NRF1: variants seen among roughly 807,000 people sequenced by gnomAD.
NRF1 encodes the protein alpha palindromic-binding protein.
A neutral mutation model predicts 58.5 loss-of-function variants in NRF1; 5 were observed. The ratio of observed to expected loss-of-function variants is 0.09; its 90% confidence interval spans 0.04 to 0.18. The LOEUF is 0.18. NRF1 is among the 10% of genes least tolerant of loss of function. NRF1 has a pLI of 1.00. For synonymous variants in NRF1, 224 were observed against 246.7 expected (o/e 0.91, Z 0.86); for missense variants, 288 against 657.7 (o/e 0.44, Z 6.15).
At chr7:129,702,124 A>C (rs143312353) in intron 5 of NRF1, among the ~76,000 whole-genome samples, 161 of 152,342 alleles carry the variant, frequency 1.1e-3, no homozygotes, top group African/African-American at 3.7e-3. Context: ...GGGAGGATAC[A>C]TGGCAAAGAG....
At chr7:129,699,721 A>G (rs1802775218) in intron 5 of NRF1, among the ~76,000 whole-genome samples, 1 of 150,892 alleles carries the variant, frequency 6.6e-6, no homozygotes, top group Admixed American at 6.6e-5. Flanking sequence ...ACAGAGAGAG[A>G]CTCCATCTCA....
intron 2 of NRF1, among the ~76,000 whole-genome samples, chr7:129,668,680 A>G (rs1801975135): frequency 1.3e-5 from 2 of 152,248 alleles, no homozygotes; most frequent in East Asian, 3.8e-4. Flanking sequence ...CAACTGGTTC[A>G]TGTGGCAGCA....
At chr7:129,697,539 C>T (rs916168503) in intron 5 of NRF1, among the ~76,000 whole-genome samples, 7 of 147,468 alleles carry the variant, frequency 4.7e-5, no homozygotes, top group Admixed American at 4.7e-4. Flanking sequence ...CAGAGTGAGA[C>T]GCAGTCTCAA....
At chr7:129,696,930 C>T (rs1802712729) in intron 5 of NRF1, among the ~76,000 whole-genome samples, 1 of 152,140 alleles carries the variant, frequency 6.6e-6, no homozygotes, top group Admixed American at 6.5e-5. Context: ...ATGGTTCTCA[C>T]TTTCATCTTC....
chr7:129,685,140 C>T (rs1259830590), intron 4 of NRF1, among the ~76,000 whole-genome samples: 2 of 152,166 alleles, frequency 1.3e-5, no homozygotes, highest in African/African-American at 2.4e-5. Flanking sequence ...TTTTATGAGA[C>T]CTTCCCAAAG....
At chr7:129,654,480 C>T (rs937504606) in intron 1 of NRF1, among the ~76,000 whole-genome samples, 5 of 152,226 alleles carry the variant, frequency 3.3e-5, no homozygotes, top group African/African-American at 4.8e-5. Flanking sequence ...TCCAGCTTAT[C>T]GATTTTTTGC....
chr7:129,742,525 G>T (rs1348588136), intron 10 of NRF1, among the ~76,000 whole-genome samples: 1 of 152,172 alleles, frequency 6.6e-6, no homozygotes, highest in Non-Finnish European at 1.5e-5. Context: ...CATGCTGATA[G>T]TTTCTCATGC....
intron 2 of NRF1, among the ~76,000 whole-genome samples, chr7:129,669,158 G>A (rs1160345406): frequency 6.6e-6 from 1 of 152,114 alleles, no homozygotes; most frequent in African/African-American, 2.4e-5. Context: ...TATTGGCCAG[G>A]CTGGTCTCAA....
intron 10 of NRF1, among the ~76,000 whole-genome samples, 168 bp from the exon 11 acceptor site, chr7:129,754,850 T>A (rs894749848): frequency 5.3e-5 from 8 of 152,036 alleles, no homozygotes; most frequent in African/African-American, 1.9e-4. Context: ...ATGAAAAAAA[T>A]TTTAATGGGG....
At chr7:129,719,346 G>C (rs1008442647) in intron 9 of NRF1, among the ~76,000 whole-genome samples, 1 of 152,090 alleles carries the variant, frequency 6.6e-6, no homozygotes, top group Non-Finnish European at 1.5e-5. Context: ...TGGTCAGGCT[G>C]GTCTCAAACT....
chr7:129,751,833 G>T (rs1173457872), intron 10 of NRF1, among the ~76,000 whole-genome samples: 1 of 152,234 alleles, frequency 6.6e-6, no homozygotes, highest in Non-Finnish European at 1.5e-5. Flanking sequence ...GGCATTTTGG[G>T]TGATTTCGTT....
At chr7:129,671,601 G>A in intron 3 of NRF1, 58 bp downstream of exon 3, 4 of 938,468 alleles carry the variant, frequency 4.3e-6, no homozygotes, top group Non-Finnish European at 7.0e-6. Context: ...GTGGATGACA[G>A]ACTTAGAACA....
At chr7:129,651,435 A>AT (rs1801532866) in intron 1 of NRF1, among the ~76,000 whole-genome samples, 1 of 140,040 alleles carries the variant, frequency 7.1e-6, no homozygotes, top group South Asian at 2.3e-4. Flanking sequence ...AAAAAAAAAA[A>AT]TGGTTAGAGA....
At position 129,727,406 on chromosome 7, in the gene NRF1, T is replaced by C. The variant is rs147619037; in HGVS notation, c.1348+41T>C. The C allele has an allele frequency of 1.8e-3, 2,774 of 1,558,532 alleles. 2 individuals carry two copies. Among genetic ancestry groups the C allele is most frequent in the African/African-American group, 6.2e-3 (447 of 71,720 alleles). On this transcript the variant is annotated intron_variant, in intron 10 of 10. Transcript: ENST00000393232. ...TATTTTATTAAATTTCTTCCCTGTT[T>C]CCACTTAAACCTTCCTGACATGACT...
At chr7:129,641,199 T>A (rs990685783) in intron 1 of NRF1, among the ~76,000 whole-genome samples, 1 of 152,242 alleles carries the variant, frequency 6.6e-6, no homozygotes, top group African/African-American at 2.4e-5. Context: ...CTTTAGATGA[T>A]ACCTGTGAAG....
At chr7:129,632,504 T>C (rs1562954408) in intron 1 of NRF1, among the ~76,000 whole-genome samples, 1 of 152,128 alleles carries the variant, frequency 6.6e-6, no homozygotes, top group Non-Finnish European at 1.5e-5. Context: ...TCACAGTTAT[T>C]GTTGAAGCTT....
chr7:129,619,333 C>G (rs1182792270), intron 1 of NRF1, among the ~76,000 whole-genome samples: 1 of 136,178 alleles, frequency 7.3e-6, no homozygotes, highest in African/African-American at 2.8e-5. Flanking sequence ...AGCAACATAG[C>G]AAGACCTCGT....
At chr7:129,703,233 C>T (rs934295712) in intron 5 of NRF1, among the ~76,000 whole-genome samples, 15 of 152,210 alleles carry the variant, frequency 9.9e-5, no homozygotes, top group African/African-American at 3.1e-4. Context: ...GCTAGAGTAC[C>T]TTAGGCCCAC....
chr7:129,725,502 T>G (rs1803431469), intron 9 of NRF1, among the ~76,000 whole-genome samples: 1 of 152,084 alleles, frequency 6.6e-6, no homozygotes, highest in South Asian at 2.1e-4. Context: ...TAATTTTGTA[T>G]TTTTAGTAAA....
Sources: allele counts gnomAD v4.1 joint callset (sites outside exome capture counted in the v4.1 genomes callset), GRCh38; gene constraint gnomAD v4.1.1; transcripts MANE v1.5; gene names NCBI Gene and HGNC (gene_info 2026-07-23, HGNC 2026-07-21).